Variants in SMARCA2 observed in about 807,000 individuals in gnomAD.
The protein encoded by SMARCA2 is SWI/SNF related BAF chromatin remodeling complex subunit ATPase 2, also known as SWI/SNF-related matrix-associated actin-dependent regulator of chromatin subfamily A member 2.
Under a neutral mutation model 199.8 loss-of-function variants are expected in SMARCA2, and 61 were observed. The ratio of observed to expected loss-of-function variants is 0.31; its 90% confidence interval spans 0.25 to 0.38. The LOEUF is 0.38. Ranked by LOEUF, SMARCA2 falls within the 10% of genes least tolerant of loss-of-function variation. The pLI, the probability that SMARCA2 is intolerant of heterozygous loss-of-function variation, is 1.00. For synonymous variants in SMARCA2, 935 were observed against 732.0 expected, an observed-to-expected ratio of 1.28 and a Z score of -4.48; for missense variants, 1,344 against 2,012.2, an observed-to-expected ratio of 0.67 and a Z score of 6.35.
intron 2 of SMARCA2, among the ~76,000 whole-genome samples, chr9:2,031,756 G>C (rs911282433): frequency 6.6e-6 from 1 of 152,246 alleles, no homozygotes; most frequent in East Asian, 1.9e-4. Context: ...AGTTCCCTGC[G>C]TGAGGACACG....
chr9:2,058,609 G>C (rs1312392689), intron 8 of SMARCA2, 145 bp downstream of exon 8: 1 of 691,160 alleles, frequency 1.4e-6, no homozygotes, highest in Non-Finnish European at 2.4e-6. Flanking sequence ...TTAGGGAGAT[G>C]AAGTAAAAAC....
chr9:2,076,141 T>C (rs756449109), intron 12 of SMARCA2, 88 bp from the exon 13 acceptor site: 2 of 754,224 alleles, frequency 2.7e-6, no homozygotes, highest in Admixed American at 2.2e-5. Flanking sequence ...TGAAGTTCAA[T>C]ACTAGTTTAT....
intron 31 of SMARCA2, among the ~76,000 whole-genome samples, chr9:2,185,170 C>T (rs57295225): frequency 0.033 from 4,987 of 152,238 alleles, 152 homozygotes; most frequent in African/African-American, 0.078. Flanking sequence ...TGCCTACGAA[C>T]AACTAACTCT....
chr9:2,078,921 G>T lies in SMARCA2; in HGVS notation c.2184+1145G>T, dbSNP rs7042274. Among the ~76,000 whole-genome samples, 140 of 151,746 alleles carry T rather than the reference G, an allele frequency of 9.2e-4. 1 individual carries two copies. The highest frequency in any genetic ancestry group is 3.1e-3 in the African/African-American group (129 of 41,330). On this transcript the variant is annotated intron_variant, in intron 14 of 33. Coordinates refer to ENST00000349721, the MANE Select transcript of SMARCA2 (RefSeq NM_003070.5). Reference sequence around the variant, plus strand: ...GATAGCACCACTGCACTCCAGCCTCGGCAACAGAGTGAGACTCTATCCAAA... The same window carrying T: ...GATAGCACCACTGCACTCCAGCCTCTGCAACAGAGTGAGACTCTATCCAAA...
chr9:2,020,766 T>C (rs1049296064), intron 1 of SMARCA2, among the ~76,000 whole-genome samples: 2 of 152,212 alleles, frequency 1.3e-5, no homozygotes, highest in African/African-American at 4.8e-5. Flanking sequence ...TGAATAATTG[T>C]ACCTCAGAAA....
At chr9:2,150,331 G>A (rs1185596050) in intron 27 of SMARCA2, among the ~76,000 whole-genome samples, 1 of 151,608 alleles carries the variant, frequency 6.6e-6, no homozygotes, top group Non-Finnish European at 1.5e-5. Flanking sequence ...GACTGGCTCA[G>A]CCAATCACTC....
intron 9 of SMARCA2, 30 bp from the exon 10 acceptor site, chr9:2,070,388 C>G (rs1322823289): frequency 6.2e-7 from 1 of 1,604,976 alleles, no homozygotes; most frequent in Non-Finnish European, 8.5e-7. Context: ...ATCTTGGTTA[C>G]TTATAACATT....
At chr9:2,116,197 A>G (rs1322741320) in intron 25 of SMARCA2, 148 bp downstream of exon 25, 1 of 647,902 alleles carries the variant, frequency 1.5e-6, no homozygotes, top group Non-Finnish European at 2.7e-6. Flanking sequence ...CCAACCACAG[A>G]AAGCCTGTGA....
intron 27 of SMARCA2, among the ~76,000 whole-genome samples, chr9:2,127,490 G>A (rs1823748583): frequency 6.6e-6 from 1 of 152,168 alleles, no homozygotes; most frequent in South Asian, 2.1e-4. Flanking sequence ...GAGGACAGCT[G>A]TTCTCCATAG....
chr9:2,160,913 C>A, intron 27 of SMARCA2: 1 of 316,596 alleles, frequency 3.2e-6, no homozygotes, highest in Non-Finnish European at 5.7e-6. Context: ...ACTTCTGGGT[C>A]TGTCACATGG....
chr9:2,106,681 G>GA (rs993357679), intron 23 of SMARCA2, among the ~76,000 whole-genome samples: 4 of 151,918 alleles, frequency 2.6e-5, no homozygotes, highest in African/African-American at 7.2e-5. Context: ...GACTTTAGGG[G>GA]AAAAAAAATC....
At chr9:2,038,091 A>G (rs1406541239) in intron 3 of SMARCA2, among the ~76,000 whole-genome samples, 1 of 152,246 alleles carries the variant, frequency 6.6e-6, no homozygotes, top group Non-Finnish European at 1.5e-5. Context: ...AAGTGGTTCT[A>G]GAAGGTTTTT....
At chr9:2,040,008 T>C in intron 4 of SMARCA2, 108 bp downstream of exon 4, 2 of 1,532,786 alleles carry the variant, frequency 1.3e-6, no homozygotes, top group Non-Finnish European at 1.8e-6. Flanking sequence ...CGTAGCCTTT[T>C]GTTATACCTC....
At chr9:2,136,820 T>G (rs10757211) in intron 27 of SMARCA2, among the ~76,000 whole-genome samples, 52,036 of 152,136 alleles carry the variant, frequency 0.34, 14,105 homozygotes, top group African/African-American at 0.75. Flanking sequence ...GCTCTGACTT[T>G]TAGGGGTTTA....
At chr9:2,033,349 C>G (rs1368682859) in intron 3 of SMARCA2, among the ~76,000 whole-genome samples, 2 of 152,168 alleles carry the variant, frequency 1.3e-5, no homozygotes, top group East Asian at 3.8e-4. Flanking sequence ...TATCTAGAAT[C>G]TTTATCGTGA....
At chr9:2,069,749 A>G (rs1257590003) in intron 9 of SMARCA2, among the ~76,000 whole-genome samples, 1 of 152,086 alleles carries the variant, frequency 6.6e-6, no homozygotes, top group African/African-American at 2.4e-5. Flanking sequence ...GTCATAGCTT[A>G]TTCTTTTTTT....
intron 31 of SMARCA2, 35 bp downstream of exon 31, chr9:2,182,277 T>C (rs1827090298): frequency 8.1e-7 from 1 of 1,240,480 alleles, no homozygotes; most frequent in Non-Finnish European, 1.2e-6. Context: ...AGTTCTTAAC[T>C]GTAAATGTGC....
At chr9:2,145,457 A>T (rs186112106) in intron 27 of SMARCA2, among the ~76,000 whole-genome samples, 3 of 152,164 alleles carry the variant, frequency 2.0e-5, no homozygotes, top group African/African-American at 4.8e-5. Context: ...CAATTTTTTT[A>T]AAATTATTAA....
At chr9:2,061,610 G>C (rs1820594264) in intron 9 of SMARCA2, among the ~76,000 whole-genome samples, 1 of 152,208 alleles carries the variant, frequency 6.6e-6, no homozygotes, top group Non-Finnish European at 1.5e-5. Flanking sequence ...AGAGTAACCT[G>C]CTGAGGATAG....
Sources: allele counts gnomAD v4.1 joint callset (sites outside exome capture counted in the v4.1 genomes callset), GRCh38; gene constraint gnomAD v4.1.1; transcripts MANE v1.5; gene names NCBI Gene and HGNC (gene_info 2026-07-23, HGNC 2026-07-21).